ARHGAP24: variants seen among roughly 807,000 people sequenced by gnomAD.
ARHGAP24 encodes the protein rho GTPase-activating protein 24.
In ARHGAP24, 50 loss-of-function variants were observed where a neutral mutation model predicts 76.4. The ratio of observed to expected loss-of-function variants is 0.65; its 90% CI spans 0.52 to 0.83. ARHGAP24 has a LOEUF of 0.83. ARHGAP24 is among the 40% of genes least tolerant of loss of function. The pLI, the probability that ARHGAP24 is intolerant of heterozygous loss-of-function variation, is 0.00. For synonymous variants in ARHGAP24, 345 were observed against 323.3 expected (o/e 1.07, Z -0.72); for missense variants, 930 against 914.2 (o/e 1.02, Z -0.22).
chr4:85,978,532 T>G (rs942886581), intron 8 of ARHGAP24, among the ~76,000 whole-genome samples: 1 of 152,174 alleles, frequency 6.6e-6, no homozygotes, highest in Non-Finnish European at 1.5e-5. Context: ...AAGTTGAACA[T>G]CAGATTTTTG....
chr4:85,587,625 A>C (rs1193133542), intron 2 of ARHGAP24, among the ~76,000 whole-genome samples: 1 of 152,152 alleles, frequency 6.6e-6, no homozygotes, highest in Admixed American at 6.6e-5. Flanking sequence ...AGAAGTATAC[A>C]CTTTAGTCAA....
intron 2 of ARHGAP24, among the ~76,000 whole-genome samples, chr4:85,625,770 A>G (rs1015970508): frequency 2.6e-5 from 4 of 152,182 alleles, no homozygotes; most frequent in African/African-American, 9.7e-5. Flanking sequence ...TTGGGTGCAT[A>G]TATATTTAGG....
intron 3 of ARHGAP24, among the ~76,000 whole-genome samples, chr4:85,795,185 A>T (rs1201626336): frequency 6.6e-6 from 1 of 152,202 alleles, no homozygotes; most frequent in East Asian, 1.9e-4. Flanking sequence ...CTCAGAACTG[A>T]TGTGTGCATG....
chr4:85,660,919 T>A (rs1452995588), intron 2 of ARHGAP24, among the ~76,000 whole-genome samples: 1 of 152,078 alleles, frequency 6.6e-6, no homozygotes, highest in East Asian at 1.9e-4. Context: ...GACTTTCAGT[T>A]CATCTTCACT....
chr4:85,847,739 A>G (rs374106551), intron 3 of ARHGAP24, among the ~76,000 whole-genome samples: 16 of 152,324 alleles, frequency 1.1e-4, no homozygotes, highest in African/African-American at 3.6e-4. Context: ...GGGCACACAT[A>G]TAGTTGTCAC....
chr4:85,620,549 ATC>A (rs1216416756), intron 2 of ARHGAP24, among the ~76,000 whole-genome samples: 3 of 151,380 alleles, frequency 2.0e-5, no homozygotes, highest in African/African-American at 7.3e-5. Flanking sequence ...TCTTAATCAA[ATC>A]TTTCTAGCCA....
chr4:85,569,159 A>C (rs951247499), intron 1 of ARHGAP24, among the ~76,000 whole-genome samples: 4 of 152,236 alleles, frequency 2.6e-5, no homozygotes, highest in Non-Finnish European at 5.9e-5. Context: ...GACCAGACAG[A>C]AAGACAGCTT....
At chr4:85,820,821 G>T (rs1244642804) in intron 3 of ARHGAP24, among the ~76,000 whole-genome samples, 10 of 151,910 alleles carry the variant, frequency 6.6e-5, no homozygotes, top group Non-Finnish European at 1.5e-4. Context: ...TCTTAAAAAA[G>T]AAATCTGTAG....
chr4:85,884,301 A>C (rs1560694774), intron 3 of ARHGAP24, among the ~76,000 whole-genome samples: 2 of 152,312 alleles, frequency 1.3e-5, no homozygotes, highest in East Asian at 3.9e-4. Context: ...GATGCTGAAA[A>C]GTTAATGAGG....
chr4:85,817,000 A>G (rs540425695), intron 3 of ARHGAP24, among the ~76,000 whole-genome samples: 2 of 152,250 alleles, frequency 1.3e-5, no homozygotes, highest in African/African-American at 4.8e-5. Flanking sequence ...GTTTTGATTT[A>G]CATTTCTTCG....
chr4:85,479,363 TAGATATAC>T (rs942006570), intron 1 of ARHGAP24, among the ~76,000 whole-genome samples: 1 of 152,208 alleles, frequency 6.6e-6, no homozygotes, highest in Admixed American at 6.5e-5. Flanking sequence ...ACAATTATAA[TAGATATAC>T]ATTTTCCACA....
At chr4:85,888,799 CA>C (rs1490813409) in intron 3 of ARHGAP24, among the ~76,000 whole-genome samples, 6 of 152,056 alleles carry the variant, frequency 3.9e-5, no homozygotes, top group Admixed American at 6.6e-5. Flanking sequence ...CAATAGACCC[CA>C]GTGTGTGTTG....
intron 3 of ARHGAP24, among the ~76,000 whole-genome samples, chr4:85,900,187 T>G (rs1249997745): frequency 6.6e-6 from 1 of 152,240 alleles, no homozygotes; most frequent in African/African-American, 2.4e-5. Context: ...ATTTGCATAT[T>G]CTTAATATCA....
chr4:85,871,709 G>A (rs1172248263), intron 3 of ARHGAP24, among the ~76,000 whole-genome samples: 1 of 152,156 alleles, frequency 6.6e-6, no homozygotes, highest in Non-Finnish European at 1.5e-5. Flanking sequence ...CATTGATGTA[G>A]CAGAACCTTG....
intron 3 of ARHGAP24, among the ~76,000 whole-genome samples, chr4:85,907,627 A>T (rs1734840841): frequency 6.6e-6 from 1 of 152,086 alleles, no homozygotes; most frequent in Non-Finnish European, 1.5e-5. Flanking sequence ...ATGTGTGTCT[A>T]AGTATTGTAC....
chr4:85,822,264 C>CA (rs1335429018), intron 3 of ARHGAP24, among the ~76,000 whole-genome samples: 4 of 150,560 alleles, frequency 2.7e-5, no homozygotes, highest in South Asian at 4.3e-4. Flanking sequence ...TTCAACAAAC[C>CA]AAAAAATGAG....
chr4:85,513,560 A>T (rs28509436), intron 1 of ARHGAP24, among the ~76,000 whole-genome samples: 96,988 of 134,826 alleles, frequency 0.72, 32,734 homozygotes, highest in East Asian at 0.84. Flanking sequence ...CCTTTTTTTT[A>T]AAAAAAAAAG....
At chr4:85,607,324 A>C (rs1468998463) in intron 2 of ARHGAP24, among the ~76,000 whole-genome samples, 1 of 152,088 alleles carries the variant, frequency 6.6e-6, no homozygotes, top group African/African-American at 2.4e-5. Context: ...ATTTTCCAAA[A>C]TACCAAGGAT....
intron 2 of ARHGAP24, among the ~76,000 whole-genome samples, chr4:85,657,760 T>C (rs896882914): frequency 6.6e-6 from 1 of 152,182 alleles, no homozygotes; most frequent in Non-Finnish European, 1.5e-5. Context: ...ACTCCAATTA[T>C]TGTTATTATT....
Sources: gnomAD v4.1 joint callset for allele counts (sites outside exome capture counted in the v4.1 genomes callset) on GRCh38, gnomAD v4.1.1 for gene constraint, MANE v1.5 for transcripts, NCBI Gene and HGNC (gene_info 2026-07-23, HGNC 2026-07-21) for gene names.